The following TSGA10 variants were observed in gnomAD, a reference collection of about 807,000 sequenced individuals.
TSGA10 encodes testis specific 10.
Under a neutral mutation model 96.6 loss-of-function variants are expected in TSGA10, and 43 were observed. That is an observed-to-expected ratio of 0.44 (90% CI 0.35 to 0.57). The LOEUF is 0.57. TSGA10 is among the 20% of genes least tolerant of loss of function. The pLI is 0.01. For synonymous variants in TSGA10, 229 were observed against 269.9 expected, an observed-to-expected ratio of 0.85 and a Z score of 1.48; for missense variants, 703 against 834.4, an observed-to-expected ratio of 0.84 and a Z score of 1.94.
intron 2 of TSGA10, among the ~76,000 whole-genome samples, chr2:99,122,791 C>CA (rs756084115): frequency 0.028 from 3,799 of 135,520 alleles, 48 homozygotes; most frequent in African/African-American, 0.051. Context: ...ACCCTGTCTC[C>CA]AAAAAAAAAA....
chr2:99,021,729 C>T (rs1024104568), intron 17 of TSGA10, among the ~76,000 whole-genome samples: 5 of 152,172 alleles, frequency 3.3e-5, no homozygotes, highest in African/African-American at 1.2e-4. Context: ...AATGTCATTA[C>T]TAAATGCACA....
At chr2:99,085,609 T>TAAAA (rs200309936) in intron 10 of TSGA10, among the ~76,000 whole-genome samples, 7 of 52,466 alleles carry the variant, frequency 1.3e-4, no homozygotes, top group Admixed American at 2.6e-4. Context: ...ATCCTGTCTT[T>TAAAA]AAAAAAAAAA....
intron 16 of TSGA10, among the ~76,000 whole-genome samples, chr2:99,050,796 T>C (rs2083319935): frequency 6.6e-6 from 1 of 152,106 alleles, no homozygotes; most frequent in African/African-American, 2.4e-5. Context: ...ATGGCAGATA[T>C]AAATCCAACT....
intron 17 of TSGA10, among the ~76,000 whole-genome samples, chr2:99,023,979 T>C (rs771307927): frequency 1.3e-5 from 2 of 152,242 alleles, no homozygotes; most frequent in South Asian, 4.1e-4. Flanking sequence ...TTGGGAGTAA[T>C]GCCATCTTAA....
intron 1 of TSGA10, among the ~76,000 whole-genome samples, chr2:99,140,311 A>G (rs2093485378): frequency 6.6e-6 from 1 of 152,112 alleles, no homozygotes; most frequent in East Asian, 1.9e-4. Context: ...TCTACTTACA[A>G]ACCTATTGTT....
chr2:99,149,993 A>G (rs2093676169), intron 1 of TSGA10, among the ~76,000 whole-genome samples: 2 of 151,530 alleles, frequency 1.3e-5, no homozygotes, highest in Non-Finnish European at 2.9e-5. Flanking sequence ...GGGTTTCACC[A>G]TGTTGGCCAG....
chr2:99,023,060 A>C (rs1383668078), intron 17 of TSGA10, among the ~76,000 whole-genome samples: 1 of 152,046 alleles, frequency 6.6e-6, no homozygotes, highest in Non-Finnish European at 1.5e-5. Context: ...TCATTCTGTC[A>C]CCCAGGCTGG....
intron 17 of TSGA10, among the ~76,000 whole-genome samples, chr2:99,030,673 A>C (rs1225709016): frequency 6.6e-6 from 1 of 152,168 alleles, no homozygotes; most frequent in African/African-American, 2.4e-5. Context: ...GAAAACAAAA[A>C]ACAAAAATCA....
intron 1 of TSGA10, among the ~76,000 whole-genome samples, chr2:99,144,284 G>A (rs1438647352): frequency 1.3e-5 from 2 of 151,984 alleles, no homozygotes; most frequent in African/African-American, 4.8e-5. Flanking sequence ...GCCTCCCAAA[G>A]TGCTGGGATT....
chr2:99,065,993 T>C (rs1407919325), intron 15 of TSGA10, among the ~76,000 whole-genome samples: 4 of 152,218 alleles, frequency 2.6e-5, no homozygotes, highest in Admixed American at 2.6e-4. Flanking sequence ...GAATTCATTC[T>C]AAAAAATTAG....
intron 20 of TSGA10, among the ~76,000 whole-genome samples, chr2:99,003,783 T>C (rs1011686247): frequency 2.6e-5 from 4 of 152,202 alleles, no homozygotes; most frequent in Non-Finnish European, 5.9e-5. Context: ...CCAGAATATC[T>C]GGGACACATT....
intron 16 of TSGA10, among the ~76,000 whole-genome samples, chr2:99,047,618 A>G (rs1047875529): frequency 2.0e-5 from 3 of 152,230 alleles, no homozygotes; most frequent in African/African-American, 7.2e-5. Flanking sequence ...AGCCAATATC[A>G]TAATGAATGT....
chr2:99,064,876 G>T (rs926708054), intron 16 of TSGA10, 63 bp downstream of exon 16: 4 of 1,366,472 alleles, frequency 2.9e-6, no homozygotes, highest in African/African-American at 1.5e-5. Flanking sequence ...TTTATGGAAG[G>T]CCAAACAAAA....
intron 1 of TSGA10, among the ~76,000 whole-genome samples, chr2:99,133,927 C>CT (rs1395572375): frequency 6.6e-6 from 1 of 152,226 alleles, no homozygotes; most frequent in African/African-American, 2.4e-5. Context: ...TCTCTTCTGG[C>CT]TTGTAGGGTT....
chr2:99,037,347 T>C (rs191656579), intron 16 of TSGA10, among the ~76,000 whole-genome samples: 27 of 152,250 alleles, frequency 1.8e-4, no homozygotes, highest in Admixed American at 5.9e-4. Context: ...GAAGGATAGT[T>C]GGAAAATCCC....
intron 1 of TSGA10, among the ~76,000 whole-genome samples, chr2:99,140,518 G>A (rs531366451): frequency 6.6e-6 from 1 of 151,982 alleles, no homozygotes; most frequent in African/African-American, 2.4e-5. Flanking sequence ...ATTTCTGTGA[G>A]TTTTTAGGTA....
At chr2:99,057,849 C>T (rs187557752) in intron 16 of TSGA10, among the ~76,000 whole-genome samples, 444 of 152,200 alleles carry the variant, frequency 2.9e-3, no homozygotes, top group African/African-American at 8.9e-3. Flanking sequence ...TCAAAAGCTA[C>T]TACAAAGCAA....
chr2:99,078,958 TAAAAAAATTTTTTTG>T, intron 11 of TSGA10, 145 bp from the exon 12 acceptor site: 1 of 653,908 alleles, frequency 1.5e-6, no homozygotes. Flanking sequence ...TATCCCAAAT[TAAAAAAATTTTTTTG>T]GTTAAAAACT....
At chr2:99,120,767 T>A (rs1466993069) in intron 2 of TSGA10, among the ~76,000 whole-genome samples, 1 of 152,152 alleles carries the variant, frequency 6.6e-6, no homozygotes, top group Non-Finnish European at 1.5e-5. Context: ...TGTGCAGATC[T>A]CTGTAACTAC....
Sources: allele counts gnomAD v4.1 joint callset (sites outside exome capture counted in the v4.1 genomes callset), GRCh38; gene constraint gnomAD v4.1.1; transcripts MANE v1.5; gene names NCBI Gene and HGNC (gene_info 2026-07-23, HGNC 2026-07-21).